The following POLR3G variants were observed in gnomAD, a reference collection of about 807,000 sequenced individuals.
The protein encoded by POLR3G is DNA-directed RNA polymerase III subunit RPC7.
Under a neutral mutation model 30.1 loss-of-function variants are expected in POLR3G, and 28 were observed. That is an observed-to-expected ratio of 0.93 (90% CI 0.69 to 1.27). POLR3G has a LOEUF of 1.27. Ranked by LOEUF, POLR3G falls within the 50% of genes most tolerant of loss-of-function variation. POLR3G has a pLI of 0.00. For synonymous variants in POLR3G, 79 were observed against 82.5 expected, an observed-to-expected ratio of 0.96 and a Z score of 0.23; for missense variants, 254 against 264.6, an observed-to-expected ratio of 0.96 and a Z score of 0.28.
intron 3 of POLR3G, among the ~76,000 whole-genome samples, chr5:90,490,394 T>C (rs1751662203): frequency 6.6e-6 from 1 of 151,686 alleles, no homozygotes. Flanking sequence ...TTTTTTATTT[T>C]ATTGTTTTAT....
At chr5:90,503,664 C>CA (rs1295199607) in intron 6 of POLR3G, among the ~76,000 whole-genome samples, 1 of 152,062 alleles carries the variant, frequency 6.6e-6, no homozygotes, top group Non-Finnish European at 1.5e-5. Flanking sequence ...TTTAGAAGAG[C>CA]AAAAGTTGTT....
intron 2 of POLR3G, among the ~76,000 whole-genome samples, chr5:90,486,408 G>C (rs889444596): frequency 6.6e-6 from 1 of 152,156 alleles, no homozygotes; most frequent in Non-Finnish European, 1.5e-5. Context: ...AAACACTGGG[G>C]ATGTTAGTAC....
intron 6 of POLR3G, among the ~76,000 whole-genome samples, chr5:90,503,223 T>G (rs763262052): frequency 3.4e-4 from 52 of 152,242 alleles, no homozygotes; most frequent in Admixed American, 2.3e-3. Context: ...TGGATATTAT[T>G]CCTTCTTTAC....
At chr5:90,478,514 C>T (rs925678535) in intron 1 of POLR3G, among the ~76,000 whole-genome samples, 2 of 148,142 alleles carry the variant, frequency 1.4e-5, no homozygotes, top group African/African-American at 5.0e-5. Context: ...ATCAAGTAAC[C>T]GCTTAGGGTG....
chr5:90,486,349 C>T (rs557486149), intron 2 of POLR3G, among the ~76,000 whole-genome samples: 2 of 152,320 alleles, frequency 1.3e-5, no homozygotes, highest in South Asian at 4.1e-4. Flanking sequence ...TGTCACTTTA[C>T]AGTGCTTTTA....
rs1286482000 is a variant in POLR3G at position 90,512,891 on chromosome 5, TTTTA to T, written c.*756_*759del. ...GCTTATGAAAAATTTGACTAAGACA[TTTTA>T]TTTTATACTTTATGTAAATGTGAAA... is the stretch of plus-strand genomic sequence containing the variant. On this transcript the variant is annotated 3_prime_UTR_variant, in exon 8 of 8. Transcript: ENST00000651687. 6.6e-6 allele frequency: 1 copy of T among 152,126 alleles called. No homozygotes were observed. The highest frequency in any genetic ancestry group is 1.5e-5 in the Non-Finnish European group (1 of 67,976). The allele number at this position is 152,126 out of a possible 1,614,324, so 9.4% of individuals were successfully genotyped here.
At chr5:90,474,224 G>A, upstream of POLR3G, 1 of 1,613,342 alleles carries the variant, frequency 6.2e-7, no homozygotes, top group Non-Finnish European at 8.5e-7. Flanking sequence ...CCGACTCGTA[G>A]AAACGTTCTT....
chr5:90,499,579 C>G (rs888097062), intron 5 of POLR3G, among the ~76,000 whole-genome samples: 4 of 152,018 alleles, frequency 2.6e-5, no homozygotes, highest in African/African-American at 9.7e-5. Flanking sequence ...GATGAGTCTT[C>G]TTAGAATTTT....
chr5:90,488,987 T>C (rs551392410), intron 3 of POLR3G, among the ~76,000 whole-genome samples: 4 of 152,280 alleles, frequency 2.6e-5, no homozygotes, highest in East Asian at 1.9e-4. Context: ...GAGACTGATA[T>C]CATCTTTGAG....
At chr5:90,495,586 G>T (rs924065563) in intron 3 of POLR3G, 91 bp from the exon 4 acceptor site, 4 of 1,504,576 alleles carry the variant, frequency 2.7e-6, no homozygotes, top group Non-Finnish European at 3.6e-6. Flanking sequence ...TAAAAATGTT[G>T]TCTGTTGTTT....
Position 90,514,524 on chromosome 5 carries a change from A to AT in POLR3G, c.*2387dup, listed in dbSNP as rs1580227410. 2 of 152,206 alleles carry AT rather than the reference A, an allele frequency of 1.3e-5. No homozygotes were observed. Among genetic ancestry groups the AT allele is most frequent in the African/African-American group, 4.8e-5 (2 of 41,456 alleles). 9.4% of individuals were successfully genotyped at this position (152,206 alleles called of 1,614,324 possible). The stretch of plus-strand genomic sequence containing the variant: ...TTAAGCAGGGATGTTTGTTCCAAAT[A>AT]TTCTTGAATAAACAATCACCACAAA... On this transcript the variant is annotated 3_prime_UTR_variant, in exon 8 of 8. Transcript: ENST00000651687.
intron 4 of POLR3G, 136 bp from the exon 5 acceptor site, chr5:90,497,520 C>A: frequency 1.0e-6 from 1 of 995,770 alleles, no homozygotes; most frequent in Non-Finnish European, 1.4e-6. Context: ...ATGTTTCAAG[C>A]TAAATTTGTA....
rs753128879 is a variant in POLR3G at position 90,506,534 on chromosome 5, G to GA, written c.451dup (p.Arg151LysfsTer3). On this transcript the variant is annotated frameshift_variant, in exon 7 of 8. Coordinates refer to ENST00000651687, the MANE Select transcript of POLR3G (RefSeq NM_006467.3). LOFTEE classifies it high-confidence loss of function. ...TGAAACTCACTTATACCAGGAATTGGAAAAAAGAGGTGATGGTGAAAAATC... is the reference window on the plus strand; with the variant it reads ...TGAAACTCACTTATACCAGGAATTGGAAAAAAAGAGGTGATGGTGAAAAATC... 17 of 1,611,818 alleles carry GA rather than the reference G, an allele frequency of 1.1e-5. No homozygotes were observed. The highest frequency in any genetic ancestry group is 3.3e-4 in the Middle Eastern group (2 of 6,060).
chr5:90,510,957 T>C (rs1752713265), intron 7 of POLR3G, among the ~76,000 whole-genome samples: 1 of 152,062 alleles, frequency 6.6e-6, no homozygotes, highest in Non-Finnish European at 1.5e-5. Context: ...CTATAGATAG[T>C]AGAGATGTGG....
rs373533457 is a variant in POLR3G at position 90,485,540 on chromosome 5, G to T, written c.-28G>T. ...TCATTAATAGTGCCTTTCAGAATTT[G>T]CCCACTCATCTGGTATAACTGGTTC... On this transcript the variant is annotated 5_prime_UTR_variant, in exon 2 of 8. Coordinates refer to ENST00000651687, the MANE Select transcript of POLR3G (RefSeq NM_006467.3). The T allele has an allele frequency of 2.2e-5, 32 of 1,459,802 alleles. 1 individual carries two copies. In the Middle Eastern group the frequency reaches 1.2e-3, roughly 56 times the overall value. The allele number at this position is 1,459,802 out of a possible 1,614,324, so 90.4% of individuals were successfully genotyped here. A position where few individuals can be genotyped will look rare whatever the true frequency, so the allele number is the denominator to read the frequency against.
chr5:90,479,000 CAAAG>C (rs34509305), intron 1 of POLR3G, among the ~76,000 whole-genome samples: 109,306 of 151,158 alleles, frequency 0.72, 39,786 homozygotes, highest in Admixed American at 0.78. Flanking sequence ...AGGTCCCACT[CAAAG>C]AAAGGGGGAA....
At chr5:90,487,378 A>ATTTTTTTTTTTTTTTTTTTT (rs59951999) in intron 2 of POLR3G, among the ~76,000 whole-genome samples, 7 of 57,028 alleles carry the variant, frequency 1.2e-4, no homozygotes, top group African/African-American at 5.5e-4. Context: ...TGGTACATTA[A>ATTTTTTTTTTTTTTTTTTTT]TTTTTTTTTT....
chr5:90,476,255 G>C (rs1285721241), intron 1 of POLR3G, among the ~76,000 whole-genome samples: 1 of 152,120 alleles, frequency 6.6e-6, no homozygotes, highest in Non-Finnish European at 1.5e-5. Flanking sequence ...GAGATTATTC[G>C]GTTACTCAGC....
intron 5 of POLR3G, among the ~76,000 whole-genome samples, chr5:90,501,443 C>G (rs1231746820): frequency 6.6e-6 from 1 of 152,222 alleles, no homozygotes; most frequent in East Asian, 1.9e-4. Flanking sequence ...GACTTTAAAG[C>G]TGAAAGGAAT....
Sources: gnomAD v4.1 joint callset for allele counts (sites outside exome capture counted in the v4.1 genomes callset) on GRCh38, gnomAD v4.1.1 for gene constraint, MANE v1.5 for transcripts, NCBI Gene and HGNC (gene_info 2026-07-23, HGNC 2026-07-21) for gene names.